The following PRKG1 variants were observed in gnomAD, a reference collection of about 807,000 sequenced individuals.
PRKG1 encodes the protein protein kinase cGMP-dependent 1, also known as cGMP-dependent protein kinase 1.
In PRKG1, 35 loss-of-function variants were observed where a neutral mutation model predicts 88.1. That is an observed-to-expected ratio of 0.40 (90% CI 0.30 to 0.53). The LOEUF is 0.53. Ranked by LOEUF, PRKG1 falls within the 20% of genes least tolerant of loss-of-function variation. The pLI, the probability that PRKG1 is intolerant of heterozygous loss-of-function variation, is 0.59. For synonymous variants in PRKG1, 303 were observed against 292.5 expected (o/e 1.04, Z -0.37); for missense variants, 540 against 839.8 (o/e 0.64, Z 4.41).
At chr10:51,211,660 T>G (rs997685467) in intron 2 of PRKG1, among the ~76,000 whole-genome samples, 1 of 152,172 alleles carries the variant, frequency 6.6e-6, no homozygotes, top group African/African-American at 2.4e-5. Context: ...CAAGCATTCT[T>G]ATACACCAAT....
At chr10:52,091,629 C>T (rs1847058140) in intron 7 of PRKG1, among the ~76,000 whole-genome samples, 1 of 152,126 alleles carries the variant, frequency 6.6e-6, no homozygotes, top group Non-Finnish European at 1.5e-5. Flanking sequence ...CATTTGCAAA[C>T]AGTATGGGCC....
intron 5 of PRKG1, among the ~76,000 whole-genome samples, chr10:51,923,717 A>G (rs1251954425): frequency 1.3e-5 from 2 of 152,178 alleles, no homozygotes; most frequent in South Asian, 2.1e-4. Context: ...TTCATAATCT[A>G]TAATAACTGA....
chr10:51,375,685 A>G (rs1842802030), intron 2 of PRKG1, among the ~76,000 whole-genome samples: 1 of 152,294 alleles, frequency 6.6e-6, no homozygotes, highest in African/African-American at 2.4e-5. Flanking sequence ...TCCTACCCTG[A>G]TGCTGATTAC....
intron 2 of PRKG1, among the ~76,000 whole-genome samples, chr10:51,289,812 T>C (rs1307737676): frequency 6.6e-6 from 1 of 152,070 alleles, no homozygotes; most frequent in African/African-American, 2.4e-5. Context: ...CCAACATTGT[T>C]CTCAGACCAA....
intron 9 of PRKG1, among the ~76,000 whole-genome samples, chr10:52,238,764 G>A (rs1190979740): frequency 6.7e-5 from 10 of 149,652 alleles, no homozygotes; most frequent in East Asian, 2.1e-4. Flanking sequence ...TCAGTGTGGC[G>A]ATTCCTCAGG....
At position 52,166,811 on chromosome 10, in the gene PRKG1, A is replaced by G. The variant is rs1409592576; in HGVS notation, c.1076+4848A>G. Among the ~76,000 whole-genome samples, 4 of 1,442 alleles carry G rather than the reference A, an allele frequency of 2.8e-3. No individual in the cohort carries two copies. In the East Asian group the frequency reaches 0.25, roughly 90 times the overall value. The allele number at this position is 1,442 out of a possible 152,430, so 0.9% of individuals were successfully genotyped here. On this transcript the variant is annotated intron_variant, in intron 9 of 17. Transcript: ENST00000373980. ...CCTATATATATACATATATATATGT[A>G]TATATATGTATATATATGTATATAT... is the stretch of plus-strand genomic sequence containing the variant.
At chr10:51,808,080 A>G (rs1839354096) in intron 4 of PRKG1, among the ~76,000 whole-genome samples, 1 of 152,194 alleles carries the variant, frequency 6.6e-6, no homozygotes, top group African/African-American at 2.4e-5. Context: ...AATAGCCTCA[A>G]TGATAGATAC....
chr10:52,200,776 G>A (rs1839643631), intron 9 of PRKG1, among the ~76,000 whole-genome samples: 1 of 152,108 alleles, frequency 6.6e-6, no homozygotes, highest in Non-Finnish European at 1.5e-5. Flanking sequence ...ATATCTCATT[G>A]TGATTTAGAT....
At chr10:51,825,560 C>G (rs1839862804) in intron 4 of PRKG1, among the ~76,000 whole-genome samples, 1 of 152,124 alleles carries the variant, frequency 6.6e-6, no homozygotes. Flanking sequence ...TCGATGATGC[C>G]TTTAGAGAGT....
chr10:52,058,048 G>A (rs564983764), intron 6 of PRKG1, among the ~76,000 whole-genome samples: 1 of 151,768 alleles, frequency 6.6e-6, no homozygotes, highest in African/African-American at 2.4e-5. Flanking sequence ...GTTTCTTTTA[G>A]GATTTTATAT....
At chr10:51,535,147 T>C (rs1178477229) in intron 3 of PRKG1, among the ~76,000 whole-genome samples, 1 of 152,220 alleles carries the variant, frequency 6.6e-6, no homozygotes, top group Non-Finnish European at 1.5e-5. Flanking sequence ...TTAAACTCAC[T>C]TCTCAATGGT....
intron 11 of PRKG1, 43 bp from the exon 12 acceptor site, chr10:52,272,345 AAGAC>A (rs773870178): frequency 6.9e-7 from 1 of 1,441,972 alleles, no homozygotes; most frequent in Admixed American, 2.0e-5. Context: ...ACACTTGTAA[AAGAC>A]AGTAATGTTT....
chr10:51,359,511 T>C (rs886692375), intron 2 of PRKG1, among the ~76,000 whole-genome samples: 3 of 151,854 alleles, frequency 2.0e-5, no homozygotes, highest in Admixed American at 1.3e-4. Flanking sequence ...CAGTCATATA[T>C]GTAAATGAAC....
At chr10:51,182,777 C>A (rs1837381207) in intron 2 of PRKG1, among the ~76,000 whole-genome samples, 1 of 152,208 alleles carries the variant, frequency 6.6e-6, no homozygotes, top group African/African-American at 2.4e-5. Context: ...GCATGCCCAG[C>A]AACTTTAAAG....
At chr10:51,958,081 T>C (rs936277333) in intron 5 of PRKG1, among the ~76,000 whole-genome samples, 1 of 152,202 alleles carries the variant, frequency 6.6e-6, no homozygotes, top group African/African-American at 2.4e-5. Flanking sequence ...GAAGTATTTT[T>C]TCAACTTTGT....
intron 2 of PRKG1, among the ~76,000 whole-genome samples, chr10:51,219,718 AAT>A (rs1282472696): frequency 4.3e-4 from 66 of 152,128 alleles, no homozygotes; most frequent in African/African-American, 1.5e-3. Context: ...TCAAAAAAAA[AAT>A]AATAATAAAA....
In PRKG1 at chr10:50,994,511, C is replaced by T. The variant is rs201155276; in HGVS notation, c.266+2867C>T. Among the ~76,000 whole-genome samples, 29 of 149,826 alleles carry T rather than the reference C, an allele frequency of 1.9e-4. 1 individual carries two copies. In the East Asian group the frequency reaches 5.7e-3, roughly 30 times the overall value. The stretch of plus-strand genomic sequence containing the variant: ...CTGCAAGCTCCGCCTCCCGCGTTCA[C>T]GCCATTCTCCTGCCTCAGCCTCCCG... On this transcript the variant is annotated intron_variant, in intron 1 of 17. Coordinates refer to the PRKG1 transcript ENST00000401604.
chr10:51,286,992 C>T (rs1189666936), intron 2 of PRKG1, among the ~76,000 whole-genome samples: 2 of 152,160 alleles, frequency 1.3e-5, no homozygotes, highest in Admixed American at 1.3e-4. Context: ...ATCCTCCCAC[C>T]TCAGCCTCCC....
chr10:51,164,366 A>G (rs1164980514), intron 2 of PRKG1, among the ~76,000 whole-genome samples: 1 of 152,242 alleles, frequency 6.6e-6, no homozygotes, highest in Non-Finnish European at 1.5e-5. Context: ...ACTAACAAAC[A>G]GAAAGGACAT....
Sources: gnomAD v4.1 joint callset for allele counts (sites outside exome capture counted in the v4.1 genomes callset) on GRCh38, gnomAD v4.1.1 for gene constraint, MANE v1.5 for transcripts, NCBI Gene and HGNC (gene_info 2026-07-23, HGNC 2026-07-21) for gene names.